The following PXDNL variants were observed in gnomAD, a reference collection of about 807,000 sequenced individuals.
The protein encoded by PXDNL is probable oxidoreductase PXDNL.
A neutral mutation model predicts 150.8 loss-of-function variants in PXDNL; 145 were observed. The observed-to-expected ratio is 0.96, with a 90% CI of 0.84 to 1.10. The LOEUF is 1.10. PXDNL is among the 50% of genes least tolerant of loss of function. The pLI, the probability that PXDNL is intolerant of heterozygous loss-of-function variation, is 0.00. For missense variants in PXDNL, 2,087 were observed against 1,873.9 expected (o/e 1.11, Z -2.10); for synonymous variants, 757 against 725.7 (o/e 1.04, Z -0.69).
At chr8:51,385,772 T>A (rs986825872) in intron 17 of PXDNL, among the ~76,000 whole-genome samples, 1 of 152,168 alleles carries the variant, frequency 6.6e-6, no homozygotes, top group Non-Finnish European at 1.5e-5. Flanking sequence ...ACTGTTCTCC[T>A]GGTACTGAGT....
chr8:51,417,485 G>C (rs1329761121), intron 14 of PXDNL, among the ~76,000 whole-genome samples: 2 of 152,134 alleles, frequency 1.3e-5, no homozygotes, highest in Non-Finnish European at 2.9e-5. Context: ...TTGGGGACTG[G>C]ACCTAGAGAT....
intron 5 of PXDNL, among the ~76,000 whole-genome samples, chr8:51,496,566 G>A (rs913149761): frequency 2.2e-4 from 33 of 152,096 alleles, no homozygotes; most frequent in African/African-American, 2.4e-4. Context: ...TAAGCTGATA[G>A]GCAACTTCAG....
chr8:51,691,577 G>GA lies in PXDNL; in HGVS notation c.165-36818dup, dbSNP rs372369601. On this transcript the variant is annotated intron_variant, in intron 1 of 22. Coordinates refer to ENST00000356297, the MANE Select transcript of PXDNL (RefSeq NM_144651.5). ...TGACTTAAGAAAGTTAATTTAAAAT[G>GA]AAAAAAAAAACACCTAAATATAAAA... Among the ~76,000 whole-genome samples, 1,004 of 141,612 alleles carry GA rather than the reference G, an allele frequency of 7.1e-3. 4 individuals carry two copies. The highest frequency in any genetic ancestry group is 0.022 in the African/African-American group (852 of 38,680). 92.9% of individuals were successfully genotyped at this position (141,612 alleles called of 152,430 possible). A position where few individuals can be genotyped will look rare whatever the true frequency, so the allele number is the denominator to read the frequency against.
chr8:51,565,266 T>A (rs796364706), intron 3 of PXDNL, among the ~76,000 whole-genome samples: 23 of 146,270 alleles, frequency 1.6e-4, no homozygotes, highest in African/African-American at 5.7e-4. Context: ...CCCCTTCAGC[T>A]GCAATATATC....
intron 10 of PXDNL, among the ~76,000 whole-genome samples, chr8:51,450,049 G>T (rs780619095): frequency 6.6e-6 from 1 of 152,170 alleles, no homozygotes; most frequent in Non-Finnish European, 1.5e-5. Context: ...TTATTTACGA[G>T]TTTTCTGGAA....
chr8:51,595,532 T>C (rs2130663929), intron 2 of PXDNL, among the ~76,000 whole-genome samples: 1 of 152,308 alleles, frequency 6.6e-6, no homozygotes, highest in African/African-American at 2.4e-5. Flanking sequence ...GCAATCATGT[T>C]GGTCTGTTCC....
At chr8:51,339,223 G>A (rs1026703524) in intron 21 of PXDNL, among the ~76,000 whole-genome samples, 1 of 152,168 alleles carries the variant, frequency 6.6e-6, no homozygotes, top group Non-Finnish European at 1.5e-5. Flanking sequence ...ACTTTGGGAG[G>A]CCAAGGAGGG....
At chr8:51,599,223 T>C (rs1322073995) in intron 2 of PXDNL, among the ~76,000 whole-genome samples, 2 of 152,104 alleles carry the variant, frequency 1.3e-5, no homozygotes, top group Non-Finnish European at 2.9e-5. Context: ...ATTTTGGGTC[T>C]CAGTTTTATT....
At chr8:51,574,587 CA>C in intron 3 of PXDNL, among the ~76,000 whole-genome samples, 1 of 151,986 alleles carries the variant, frequency 6.6e-6, no homozygotes, top group Non-Finnish European at 1.5e-5. Flanking sequence ...GAGCCCTAAA[CA>C]GGGTAAACTC....
chr8:51,383,351 A>T (rs1807605071), intron 17 of PXDNL, among the ~76,000 whole-genome samples: 1 of 152,218 alleles, frequency 6.6e-6, no homozygotes, highest in Admixed American at 6.5e-5. Flanking sequence ...TCTTAAAATG[A>T]TAATCCAATA....
chr8:51,472,113 G>T, intron 8 of PXDNL, 74 bp downstream of exon 8: 1 of 924,542 alleles, frequency 1.1e-6, no homozygotes, highest in Non-Finnish European at 1.7e-6. Flanking sequence ...TCTAGATAAA[G>T]GAGTTAAATT....
At chr8:51,535,733 AT>A (rs372367159) in intron 4 of PXDNL, among the ~76,000 whole-genome samples, 11,156 of 145,018 alleles carry the variant, frequency 0.077, 768 homozygotes, top group East Asian at 0.23. Flanking sequence ...AAATAAATAA[AT>A]AAATAAAAAT....
chr8:51,536,914 C>T (rs1812090342), intron 4 of PXDNL, among the ~76,000 whole-genome samples: 1 of 152,114 alleles, frequency 6.6e-6, no homozygotes. Context: ...TACCTGAACT[C>T]AATGTTTATA....
At chr8:51,635,546 G>A (rs890869844) in intron 2 of PXDNL, among the ~76,000 whole-genome samples, 1 of 151,970 alleles carries the variant, frequency 6.6e-6, no homozygotes, top group East Asian at 1.9e-4. Context: ...TATTAAAAGA[G>A]ATAAATAAAA....
chr8:51,787,278 T>C (rs907095940), intron 1 of PXDNL, among the ~76,000 whole-genome samples: 3 of 152,234 alleles, frequency 2.0e-5, no homozygotes, highest in African/African-American at 7.2e-5. Flanking sequence ...AGTCTTATTA[T>C]TTATGAAATA....
At chr8:51,572,016 A>G (rs974841323) in intron 3 of PXDNL, among the ~76,000 whole-genome samples, 1 of 151,854 alleles carries the variant, frequency 6.6e-6, no homozygotes, top group African/African-American at 2.4e-5. Context: ...TTTGACTTAC[A>G]ATGGGATTTC....
intron 4 of PXDNL, among the ~76,000 whole-genome samples, chr8:51,536,272 G>A (rs752970539): frequency 2.0e-5 from 3 of 152,168 alleles, no homozygotes; most frequent in Non-Finnish European, 2.9e-5. Flanking sequence ...ACTGGAAATG[G>A]AGAGAAAAAA....
At chr8:51,580,109 CTG>C (rs1813173977) in intron 3 of PXDNL, among the ~76,000 whole-genome samples, 1 of 151,822 alleles carries the variant, frequency 6.6e-6, no homozygotes, top group African/African-American at 2.4e-5. Context: ...TTAAATAAAA[CTG>C]TGGAAATGGA....
At position 51,476,082 on chromosome 8, in the gene PXDNL, G is replaced by A. The variant is rs554630276; in HGVS notation, c.525-941C>T. Among the ~76,000 whole-genome samples the A allele has an allele frequency of 2.9e-4, 44 of 151,264 alleles. No homozygotes were observed. In the South Asian group the frequency reaches 9.2e-3, roughly 32 times the overall value. ...ACTGCACTCCAGCCTGGGTGACAGA[G>A]TGTGACCCTGTCCCAAAAGCAAAAA... On this transcript the variant is annotated intron_variant, in intron 6 of 22. Coordinates refer to ENST00000356297, the MANE Select transcript of PXDNL (RefSeq NM_144651.5).
Sources: gnomAD v4.1 joint callset for allele counts (sites outside exome capture counted in the v4.1 genomes callset) on GRCh38, gnomAD v4.1.1 for gene constraint, MANE v1.5 for transcripts, NCBI Gene and HGNC (gene_info 2026-07-23, HGNC 2026-07-21) for gene names.